The following TTN variants were observed in gnomAD, a reference collection of about 807,000 sequenced individuals.
The protein encoded by TTN is connectin.
A neutral mutation model predicts 3,223.0 loss-of-function variants in TTN; 1,525 were observed. The observed-to-expected ratio is 0.47, with a 90% confidence interval of 0.45 to 0.49. The LOEUF (loss-of-function observed/expected upper bound fraction) is 0.49. Ranked by LOEUF, TTN falls within the 20% of genes least tolerant of loss-of-function variation. The probability of loss-of-function intolerance (pLI) is 0.00; values close to 1 mark genes in which losing one functional copy is unlikely to be tolerated. For synonymous variants in TTN, 14,094 were observed against 15,161.0 expected, an observed-to-expected ratio of 0.93 and a Z score of 5.17; for missense variants, 40,786 against 43,424.0, an observed-to-expected ratio of 0.94 and a Z score of 5.40.
rs542799302 is a variant in TTN, at chr2:178,564,915, G to A, written c.81217C>T (p.Pro27073Ser). The A allele has an allele frequency of 2.2e-5, 35 of 1,612,382 alleles. No homozygotes were observed. The South Asian group carries it at 3.3e-4, about 15-fold the overall frequency. ...AVIVQYPFKE[P>S]GPPGTPFVTS... is the part of the protein sequence containing the mutation. ...ACAAAAGGAGTTCCAGGTGGTCCAG[G>A]TTCTTTAAATGGATATTGTACAATA... The change falls in exon 326 of 363, where the codon CCT becomes TCT. Residue 27073 changes from proline to serine, a missense_variant. Transcript: ENST00000589042.
In TTN at chr2:178,771,553, T is replaced by C. The variant is rs1401478321; in HGVS notation, c.7856-82A>G. 1.7e-5 allele frequency: 26 copies of C among 1,566,096 alleles called. No homozygotes were observed. In the Admixed American group the frequency reaches 2.3e-4, roughly 14 times the overall value. On this transcript the variant is annotated intron_variant, in intron 33 of 362. Coordinates refer to ENST00000589042, the MANE Select transcript of TTN (RefSeq NM_001267550.2). ...AATCTTTGCAGAAGTAAATATAAAA[T>C]ATCAAATTTAAGAACATGATTTTGA...
At chr2:178,682,154 C>G (rs1166574958) in intron 135 of TTN, among the ~76,000 whole-genome samples, 3 of 151,868 alleles carry the variant, frequency 2.0e-5, no homozygotes, top group African/African-American at 7.2e-5. Flanking sequence ...CAATTTGAAG[C>G]CCAAACTATA....
chr2:178,553,427 A>C, intron 334 of TTN, 31 bp from the exon 335 acceptor site: 3 of 1,571,878 alleles, frequency 1.9e-6, no homozygotes, highest in Non-Finnish European at 2.6e-6. Flanking sequence ...CATACAGTGA[A>C]TTTTAAAAGC....
chr2:178,664,102 G>C lies in TTN; in HGVS notation c.36281-4C>G. The C allele has an allele frequency of 6.2e-7, 1 of 1,606,154 alleles. No homozygotes were observed. Among genetic ancestry groups the C allele is most frequent in the Non-Finnish European group, 8.5e-7 (1 of 1,177,546 alleles). On this transcript the variant is annotated splice_polypyrimidine_tract_variant and splice_region_variant and intron_variant, in intron 168 of 362. Transcript: ENST00000589042. ...ATCTCTTTGGGAGCTTCGTGCACTT[G>C]AAAGATATTAGTATTTTTACACTCA...
At position 178,651,299 on chromosome 2, in the gene TTN, ACTT is replaced by A. The variant is rs1553769206; in HGVS notation, c.39566_39568del (p.Glu13189del). 3.1e-6 allele frequency: 5 copies of A among 1,613,098 alleles called. No homozygotes were observed. The highest frequency in any genetic ancestry group is 1.1e-5 in the South Asian group (1 of 91,002). On this transcript the variant is annotated inframe_deletion, in exon 208 of 363. Transcript: ENST00000589042. ...AACAGCTACTTTCTTTTCTGGAACA[ACTT>A]CTTTTGGAACTTCAGGCACTTCAAA...
chr2:178,717,802 G>A lies in TTN; in HGVS notation c.25072C>T (p.Leu8358Phe). Residue 8358 changes from leucine to phenylalanine, a missense_variant, in exon 87 of 363, where the codon CTT becomes TTT. Transcript: ENST00000589042. ...SAVLVIKARK[L>F]PPFFARKLKD... is the part of the protein sequence containing the mutation. ...AGTTTTCTTGCAAAGAAAGGTGGAA[G>A]TTTGCGCGCTGTAAAGAAGTTACAG... 4.4e-6 allele frequency: 7 copies of A among 1,605,830 alleles called. No individual in the cohort carries two copies. The highest frequency in any genetic ancestry group is 6.0e-6 in the Non-Finnish European group (7 of 1,175,752).
rs748522098 is a variant in TTN, at chr2:178,582,604, A to G, written c.65864-12T>C. Reference sequence around the variant, plus strand: ...AGGACCCGGTTTATCTGAAGGAATAAGGAAGAAGAGTGAATATGTGGAATG... The same window carrying G: ...AGGACCCGGTTTATCTGAAGGAATAGGGAAGAAGAGTGAATATGTGGAATG... On this transcript the variant is annotated splice_polypyrimidine_tract_variant and intron_variant, in intron 313 of 362. Transcript: ENST00000589042. The G allele has an allele frequency of 1.9e-5, 31 of 1,590,058 alleles. No homozygotes were observed. In the South Asian group the frequency reaches 3.5e-4, roughly 18 times the overall value.
At chr2:178,551,387 A>G (rs1429718849) in intron 335 of TTN, 127 bp from the exon 336 acceptor site, 47 of 774,140 alleles carry the variant, frequency 6.1e-5, no homozygotes, top group Non-Finnish European at 7.9e-5. Context: ...TAAGTAATTT[A>G]TTCAATCTCC....
rs773082246 is a variant in TTN, at chr2:178,604,302, A to C, written c.54385T>G (p.Trp18129Gly). The C allele has an allele frequency of 1.4e-6, 2 of 1,444,178 alleles. No homozygotes were observed. Among genetic ancestry groups the C allele is most frequent in the Non-Finnish European group, 1.8e-6 (2 of 1,095,318 alleles). 89.5% of individuals were successfully genotyped at this position (1,444,178 alleles called of 1,614,324 possible). A position where few individuals can be genotyped will look rare whatever the true frequency, so the allele number is the denominator to read the frequency against. ...TACTGACCATTGGGGATAAGTTTCC[A>C]GATCTAGAAATTAGAAAAACAGAAA... Reference protein sequence around the residue: ...NTAVEKRYGIWKLIPNGQYEF... With the variant: ...NTAVEKRYGIGKLIPNGQYEF... The change falls in exon 282 of 363, where the codon TGG becomes GGG. Residue 18129 changes from tryptophan (W) to glycine (G), a missense_variant. Trp to Gly is a radical substitution (Grantham distance 184). Coordinates refer to ENST00000589042, the MANE Select transcript of TTN (RefSeq NM_001267550.2).
rs1553761103 is a variant in TTN, at chr2:178,646,012, A to G, written c.40316T>C (p.Val13439Ala). ...IPVKEPEPEK[V>A]IEKPKLKPRP... is the part of the protein sequence containing the mutation. ...TGGTTTGAGTTTTGGCTTCTCAATA[A>G]CCTTTTCAGGTTCAGGTTCTTGAAA... Residue 13439 changes from valine (V) to alanine (A), a missense_variant, in exon 217 of 363, where the codon GTT (valine) becomes GCT (alanine). By Grantham distance (64) the Val-to-Ala change is moderately conservative. Transcript: ENST00000589042. 11 of 1,567,960 alleles carry G rather than the reference A, an allele frequency of 7.0e-6. No homozygotes were observed. In the Admixed American group the frequency reaches 1.9e-4, roughly 27 times the overall value.
rs778884752 is a variant in TTN at position 178,739,631 on chromosome 2, C to T, written c.13602G>A (p.Glu4534=). The T allele has an allele frequency of 8.1e-6, 13 of 1,613,866 alleles. No homozygotes were observed. Among genetic ancestry groups the T allele is most frequent in the South Asian group, 2.2e-5 (2 of 91,086 alleles). ...TACTTTGCACGTTAAAATAACTGAC[C>T]TCTTCAGTTGAGATCAGATATTTAG... ...VESKYLISTE[E]VSYFNVQSRV... is the part of the protein sequence containing the mutation. Residue 4534 remains glutamate, a synonymous_variant, in exon 48 of 363, where the codon GAG becomes GAA. Coordinates refer to ENST00000589042, the MANE Select transcript of TTN (RefSeq NM_001267550.2).
chr2:178,565,904 T>G lies in TTN; in HGVS notation c.80228A>C (p.Lys26743Thr), dbSNP rs368263400. Reference sequence around the variant, plus strand: ...GGCTCCTTCTGTAAGGTTTTCCACTTTAAAACTTGTTTTGCTGCATTTACT... The same window carrying G: ...GGCTCCTTCTGTAAGGTTTTCCACTGTAAAACTTGTTTTGCTGCATTTACT... Reference protein sequence around the residue: ...VSSKCSKTSFKVENLTEGAIY... With the variant: ...VSSKCSKTSFTVENLTEGAIY... The change falls in exon 326 of 363, where the codon AAA becomes ACA. Residue 26743 changes from lysine (K) to threonine (T), a missense_variant. Lys to Thr is a moderately conservative substitution (Grantham distance 78, BLOSUM62 -1). Coordinates refer to ENST00000589042, the MANE Select transcript of TTN (RefSeq NM_001267550.2). The G allele has an allele frequency of 2.7e-5, 44 of 1,613,556 alleles. No homozygotes were observed. The highest frequency in any genetic ancestry group is 2.5e-4 in the South Asian group (23 of 91,080).
rs559878591 is a variant in TTN, at chr2:178,620,796, C to T, written c.45814G>A (p.Asp15272Asn). The T allele has an allele frequency of 8.7e-6, 14 of 1,612,768 alleles. No homozygotes were observed. In the East Asian group the frequency reaches 2.2e-4, roughly 26 times the overall value. Residue 15272 changes from aspartate to asparagine, a missense_variant, in exon 247 of 363, where the codon GAT becomes AAT. By Grantham distance (23) the Asp-to-Asn change is conservative. Coordinates refer to ENST00000589042, the MANE Select transcript of TTN (RefSeq NM_001267550.2). The stretch of plus-strand genomic sequence containing the variant: ...GACACATTATAGTTGGCTTGGTCAT[C>T]TAAGTGTGCATCTCTAATTCTGAGG... Reference protein sequence around the residue: ...YTLRIRDAHLDDQANYNVSLT... With the variant: ...YTLRIRDAHLNDQANYNVSLT...
In TTN at chr2:178,546,765, G is replaced by A. The variant is rs757099797; in HGVS notation, c.94663C>T (p.Arg31555Cys). Residue 31555 changes from arginine to cysteine, a missense_variant, in exon 341 of 363, where the codon CGC becomes TGC. Physicochemically the swap from Arg to Cys is radical, Grantham distance 180. Transcript: ENST00000589042. ...ATGGTGTAGTTGCACTTCAGCCAGC[G>A]ACCATCTCCTACCTCACTGACTGGC... ...RKPVSEVGDG[R>C]WLKCNYTIVS... The A allele has an allele frequency of 7.4e-6, 12 of 1,613,538 alleles. No homozygotes were observed. Among genetic ancestry groups the A allele is most frequent in the African/African-American group, 4.0e-5 (3 of 74,866 alleles).
At position 178,717,638 on chromosome 2, in the gene TTN, A is replaced by G; in HGVS notation, c.25236T>C (p.His8412=). ...DDANLQTSFV[H]NVATLQILQT... The stretch of plus-strand genomic sequence containing the variant: ...GTAAAATCTGAAGAGTTGCTACATT[A>G]TGAACAAAAGATGTCTGCAAATTAG... Residue 8412 remains histidine, a synonymous_variant, in exon 87 of 363, where the codon CAT becomes CAC. Transcript: ENST00000589042. 6.2e-7 allele frequency: 1 copy of G among 1,613,360 alleles called. No individual in the cohort carries two copies. The highest frequency in any genetic ancestry group is 8.5e-7 in the Non-Finnish European group (1 of 1,179,550).
Position 178,616,710 on chromosome 2 carries a change from T to C in TTN, c.48160+19A>G. The C allele has an allele frequency of 6.2e-7, 1 of 1,612,174 alleles. No homozygotes were observed. The highest frequency in any genetic ancestry group is 1.1e-5 in the South Asian group (1 of 90,950). On this transcript the variant is annotated intron_variant, in intron 256 of 362. Coordinates refer to ENST00000589042, the MANE Select transcript of TTN (RefSeq NM_001267550.2). The stretch of plus-strand genomic sequence containing the variant: ...AATACTGCCAAATCACCTTAGATGA[T>C]AAATGTTTTGTTCCTTACCAATTAC...
At chr2:178,746,295 GTTCT>G (rs753338569) in intron 47 of TTN, 7 of 1,612,166 alleles carry the variant, frequency 4.3e-6, no homozygotes, top group East Asian at 2.2e-5. Context: ...TCAATTTTTA[GTTCT>G]TTGTCTTCTC....
At chr2:178,536,652 T>C (rs1195093198) in intron 356 of TTN, 77 bp from the exon 357 acceptor site, 1 of 1,279,434 alleles carries the variant, frequency 7.8e-7, no homozygotes, top group Non-Finnish European at 1.0e-6. Context: ...TAAAAAAGAA[T>C]GTTATATGAG....
Position 178,583,697 on chromosome 2 carries a change from G to C in TTN, c.65485C>G (p.Gln21829Glu). 2 of 1,612,370 alleles carry C rather than the reference G, an allele frequency of 1.2e-6. No individual in the cohort carries two copies. The highest frequency in any genetic ancestry group is 1.7e-6 in the Non-Finnish European group (2 of 1,179,192). ...CTGGCAATAGCTCTAAATTGATACT[G>C]AGCTTTCTCTTCTAGGCCAGTAGCT... ...YTATGLEEKA[Q>E]YQFRAIARTA... Residue 21829 changes from glutamine (Q) to glutamate (E), a missense_variant, in exon 312 of 363, where the codon CAG (glutamine) becomes GAG (glutamate). Physicochemically the swap from Gln to Glu is conservative, Grantham distance 29. Coordinates refer to ENST00000589042, the MANE Select transcript of TTN (RefSeq NM_001267550.2).
Sources: allele counts gnomAD v4.1 joint callset (sites outside exome capture counted in the v4.1 genomes callset), GRCh38; gene constraint gnomAD v4.1.1; transcripts MANE v1.5; gene names NCBI Gene and HGNC (gene_info 2026-07-23, HGNC 2026-07-21).